The following CHD8 variants were observed in gnomAD, a reference collection of about 807,000 sequenced individuals.
CHD8 encodes the protein chromodomain helicase DNA binding protein 8, also known as ATP-dependent chromatin remodeler CHD8.
In CHD8, 31 loss-of-function variants were observed where a neutral mutation model predicts 279.2. The observed-to-expected ratio is 0.11, with a 90% confidence interval of 0.08 to 0.15. CHD8 has a LOEUF of 0.15. CHD8 is among the 10% of genes least tolerant of loss of function. The pLI, the probability that CHD8 is intolerant of heterozygous loss-of-function variation, is 1.00. For synonymous variants in CHD8, 1,081 were observed against 1,139.6 expected (o/e 0.95, Z 1.04); for missense variants, 2,146 against 3,230.5 (o/e 0.66, Z 8.14).
In CHD8 at chr14:21,402,563, G is replaced by A; in HGVS notation, c.3715-60C>T. The A allele has an allele frequency of 2.1e-6, 3 of 1,462,832 alleles. No individual in the cohort carries two copies. Among genetic ancestry groups the A allele is most frequent in the Middle Eastern group, 1.8e-4 (1 of 5,556 alleles). The allele number at this position is 1,462,832 out of a possible 1,614,324, so 90.6% of individuals were successfully genotyped here. ...GATATCATAAAATTAGCAAGGGAAAGGATACAAAATACCAATTTATGATTC... is the reference window on the plus strand; with the variant it reads ...GATATCATAAAATTAGCAAGGGAAAAGATACAAAATACCAATTTATGATTC... On this transcript the variant is annotated intron_variant, in intron 18 of 37. Coordinates refer to ENST00000646647, the MANE Select transcript of CHD8 (RefSeq NM_001170629.2). The surrounding 1 kb of genome is among the most constrained non-coding windows in gnomAD (Gnocchi z 4.5).
chr14:21,406,772 C>T, intron 14 of CHD8, 84 bp downstream of exon 14: 1 of 1,249,294 alleles, frequency 8.0e-7, no homozygotes, highest in Non-Finnish European at 1.1e-6. Flanking sequence ...CTTTTCTTCT[C>T]TGCTAAACTA....
Position 21,399,712 on chromosome 14 carries a change from G to A in CHD8, c.4818-7C>T. The A allele has an allele frequency of 2.5e-6, 4 of 1,574,468 alleles. No individual in the cohort carries two copies. The South Asian group carries it at 3.3e-5, about 13-fold the overall frequency. On this transcript the variant is annotated splice_region_variant and splice_polypyrimidine_tract_variant and intron_variant, in intron 25 of 37. Coordinates refer to ENST00000646647, the MANE Select transcript of CHD8 (RefSeq NM_001170629.2). ...GAACCATATGTCAATCTCACTAAAG[G>A]TATAAGAGGGCAGAGTCAGCACAGA... is the stretch of plus-strand genomic sequence containing the variant.
intron 1 of CHD8, among the ~76,000 whole-genome samples, chr14:21,436,048 G>A (rs1470063342): frequency 1.3e-5 from 2 of 152,320 alleles, no homozygotes; most frequent in East Asian, 1.9e-4. Flanking sequence ...AGATTTCTCC[G>A]TAGTGACAAC....
chr14:21,393,126 T>G lies in CHD8; in HGVS notation c.6448A>C (p.Arg2150=). 1 of 1,613,852 alleles carries G rather than the reference T, an allele frequency of 6.2e-7. No individual in the cohort carries two copies. Among genetic ancestry groups the G allele is most frequent in the Middle Eastern group, 1.7e-4 (1 of 5,956 alleles). ...GTTACCTTGGGCCACTCAGAGGCTCTTTGTCTTTCCTGCAGTAGCAGAAGC... is the reference window on the plus strand; with the variant it reads ...GTTACCTTGGGCCACTCAGAGGCTCGTTGTCTTTCCTGCAGTAGCAGAAGC... ...PELLLLQERQ[R]ASEWPKDRVL... The change falls in exon 33 of 38, where the codon AGA becomes CGA. Residue 2150 remains arginine (R), a synonymous_variant. Coordinates refer to ENST00000646647, the MANE Select transcript of CHD8 (RefSeq NM_001170629.2).
chr14:21,419,202 A>AT (rs1415844786), intron 5 of CHD8, among the ~76,000 whole-genome samples: 6 of 151,908 alleles, frequency 3.9e-5, no homozygotes, highest in African/African-American at 1.5e-4. Flanking sequence ...TATTCTTAAA[A>AT]TGACCTTTTT....
At position 21,400,202 on chromosome 14, in the gene CHD8, G is replaced by C; in HGVS notation, c.4676C>G (p.Thr1559Ser). Reference sequence around the variant, plus strand: ...CTTATAACTTTCATCTTGGAACAAAGTGTCAGGGTTATATTTCCGGATCCA... The same window carrying C: ...CTTATAACTTTCATCTTGGAACAAACTGTCAGGGTTATATTTCCGGATCCA... ...ADWIRKYNPD[T>S]LFQDESYKKH... The change falls in exon 24 of 38, where the codon ACT becomes AGT. Residue 1559 changes from threonine to serine, a missense_variant. Coordinates refer to ENST00000646647, the MANE Select transcript of CHD8 (RefSeq NM_001170629.2). The surrounding 1 kb of genome is among the most constrained non-coding windows in gnomAD (Gnocchi z 4.2). The C allele has an allele frequency of 6.2e-7, 1 of 1,613,908 alleles. No homozygotes were observed. Among genetic ancestry groups the C allele is most frequent in the Non-Finnish European group, 8.5e-7 (1 of 1,179,874 alleles).
chr14:21,403,102 C>T lies in CHD8; in HGVS notation c.3629G>A (p.Arg1210Gln), dbSNP rs2139468962. The change falls in exon 18 of 38, where the codon CGG (arginine) becomes CAG (glutamine). Residue 1210 changes from arginine (R) to glutamine (Q), a missense_variant. This residue lies in a region of CHD8 where 48 missense variants were observed against 135.7 expected (regional missense o/e 0.35). Transcript: ENST00000646647. This position sits in a 1 kb window ranked among gnomAD's most constrained non-coding sequence, Gnocchi z 4.3. Reference sequence around the variant, plus strand: ...AAGATTAATACCAAGTCCACCAGCCCGGGTACACAGTAAGAAGACAAAGCG... The same window carrying T: ...AAGATTAATACCAAGTCCACCAGCCTGGGTACACAGTAAGAAGACAAAGCG... ...SDRFVFLLCT[R>Q]AGGLGINLTA... is the part of the protein sequence containing the mutation. 6.2e-7 allele frequency: 1 copy of T among 1,613,994 alleles called. No homozygotes were observed. The highest frequency in any genetic ancestry group is 8.5e-7 in the Non-Finnish European group (1 of 1,179,888).
At chr14:21,445,688 CAAA>C (rs747923350) in intron 1 of CHD8, among the ~76,000 whole-genome samples, 1 of 17,256 alleles carries the variant, frequency 5.8e-5, no homozygotes, top group East Asian at 2.1e-3. Context: ...GATTCGGTCT[CAAA>C]AAAAAAAAAA....
In CHD8 at chr14:21,429,119, C is replaced by A. The variant is rs773870915; in HGVS notation, c.1060G>T (p.Val354Leu). The A allele has an allele frequency of 3.7e-6, 6 of 1,613,912 alleles. No individual in the cohort carries two copies. The East Asian group carries it at 1.3e-4, about 36-fold the overall frequency. Residue 354 changes from valine (V) to leucine (L), a missense_variant, in exon 3 of 38, where the codon GTA becomes TTA. By Grantham distance (32) the Val-to-Leu change is conservative (BLOSUM62 1). Coordinates refer to ENST00000646647, the MANE Select transcript of CHD8 (RefSeq NM_001170629.2). ...VQQPQQKIQI[V>L]PQPPSSQPQP... ...GGCTGCGATGATGGTGGTTGTGGTA[C>A]AATCTGGATTTTTTGCTGTGGCTGC...
intron 28 of CHD8, 164 bp downstream of exon 28, chr14:21,395,653 G>T: frequency 1.6e-6 from 1 of 610,676 alleles, no homozygotes; most frequent in Non-Finnish European, 2.9e-6. Flanking sequence ...CCCCCTACTG[G>T]CATTACAGTC....
In CHD8 at chr14:21,405,981, AT is replaced by A. The variant is rs1888238111; in HGVS notation, c.2908-118del. On this transcript the variant is annotated intron_variant, in intron 14 of 37. Transcript: ENST00000646647. The surrounding 1 kb of genome is among the most constrained non-coding windows in gnomAD (Gnocchi z 4.2). ...CTTTAATTTCTTTATCTATAAAATG[AT>A]GAGAATGGACCAGTGATCTGGTCCA... The A allele has an allele frequency of 1.3e-6, 1 of 740,996 alleles. No individual in the cohort carries two copies. The highest frequency in any genetic ancestry group is 3.4e-5 in the Admixed American group (1 of 29,398). 45.9% of individuals were successfully genotyped at this position (740,996 alleles called of 1,614,324 possible).
chr14:21,419,002 C>T (rs1410691895), intron 5 of CHD8, among the ~76,000 whole-genome samples: 1 of 152,134 alleles, frequency 6.6e-6, no homozygotes, highest in African/African-American at 2.4e-5. Flanking sequence ...AACTTCGATA[C>T]ATTTGTCAAA....
intron 1 of CHD8, among the ~76,000 whole-genome samples, chr14:21,439,659 G>C (rs1889906058): frequency 6.6e-6 from 1 of 152,114 alleles, no homozygotes; most frequent in South Asian, 2.1e-4. Context: ...AATCCATTCT[G>C]CAACCAGATT....
chr14:21,389,740 T>C (rs1260640694), intron 37 of CHD8, among the ~76,000 whole-genome samples: 1 of 152,242 alleles, frequency 6.6e-6, no homozygotes, highest in African/African-American at 2.4e-5. Flanking sequence ...CCAAATGGCC[T>C]ATTATCCATC....
chr14:21,452,273 C>T (rs1169814727), intron 1 of CHD8, among the ~76,000 whole-genome samples: 1 of 151,950 alleles, frequency 6.6e-6, no homozygotes, highest in African/African-American at 2.4e-5. Context: ...CCTTGGCCTC[C>T]CAAAGTGCTG....
chr14:21,434,271 T>C (rs965372462), intron 1 of CHD8, among the ~76,000 whole-genome samples: 1 of 152,086 alleles, frequency 6.6e-6, no homozygotes, highest in African/African-American at 2.4e-5. Context: ...TCTCGGACTC[T>C]CGACTTCAGA....
chr14:21,414,841 T>G, intron 8 of CHD8, 97 bp downstream of exon 8: 1 of 855,958 alleles, frequency 1.2e-6, no homozygotes, highest in South Asian at 1.5e-5. Context: ...GCTACAAGAC[T>G]ATAAAAAAGG....
chr14:21,431,107 C>G lies in CHD8; in HGVS notation c.537G>C (p.Gln179His). 1 of 1,599,122 alleles carries G rather than the reference C, an allele frequency of 6.3e-7. No individual in the cohort carries two copies. Among genetic ancestry groups the G allele is most frequent in the Non-Finnish European group, 8.5e-7 (1 of 1,179,624 alleles). Residue 179 changes from glutamine to histidine, a missense_variant, in exon 2 of 38, where the codon CAG (glutamine) becomes CAC (histidine). By Grantham distance (24) the Gln-to-His change is conservative. Coordinates refer to ENST00000646647, the MANE Select transcript of CHD8 (RefSeq NM_001170629.2). Reference protein sequence around the residue: ...SVTGAHVAQIQAQGITSTAQP... With the variant: ...SVTGAHVAQIHAQGITSTAQP... ...GAGCTGTGCTGGTGATACCTTGGGCCTGAATTTGTGCCACATGGGCACCAG... is the reference window on the plus strand; with the variant it reads ...GAGCTGTGCTGGTGATACCTTGGGCGTGAATTTGTGCCACATGGGCACCAG...
chr14:21,428,361 A>T (rs1889417140), intron 3 of CHD8, 107 bp from the exon 4 acceptor site: 1 of 970,890 alleles, frequency 1.0e-6, no homozygotes, highest in Non-Finnish European at 1.5e-6. Context: ...TAATCCCTCA[A>T]GAATCAAGCT....
Sources: allele counts gnomAD v4.1 joint callset (sites outside exome capture counted in the v4.1 genomes callset), GRCh38; gene constraint gnomAD v4.1.1; regional missense constraint gnomAD v4.1.1; non-coding constraint Gnocchi (gnomAD v3.1); transcripts MANE v1.5; gene names NCBI Gene and HGNC (gene_info 2026-07-23, HGNC 2026-07-21).